Variants in CSMD1 observed in about 807,000 individuals in gnomAD.
CSMD1 encodes CUB and sushi domain-containing protein 1.
CSMD1 carries 213 observed loss-of-function variants against 417.5 expected under a neutral mutation model. That is an observed-to-expected ratio of 0.51 (90% CI 0.46 to 0.57). The LOEUF (loss-of-function observed/expected upper bound fraction) is 0.57. Ranked by LOEUF, CSMD1 falls within the 20% of genes least tolerant of loss-of-function variation. The pLI, the probability that CSMD1 is intolerant of heterozygous loss-of-function variation, is 0.00. For synonymous variants in CSMD1, 2,862 were observed against 1,736.8 expected, an observed-to-expected ratio of 1.65 and a Z score of -16.11; for missense variants, 6,923 against 4,529.7, an observed-to-expected ratio of 1.53 and a Z score of -15.17.
At chr8:4,886,545 A>T (rs1803752247) in intron 1 of CSMD1, among the ~76,000 whole-genome samples, 1 of 151,800 alleles carries the variant, frequency 6.6e-6, no homozygotes, top group Non-Finnish European at 1.5e-5. Flanking sequence ...CTTCTCTTTT[A>T]TTTTTTGAAA....
chr8:4,153,393 T>C (rs1305771465), intron 3 of CSMD1, among the ~76,000 whole-genome samples: 1 of 152,216 alleles, frequency 6.6e-6, no homozygotes, highest in Non-Finnish European at 1.5e-5. Context: ...ACTCTGCAGT[T>C]CTAGGTTCCC....
intron 4 of CSMD1, among the ~76,000 whole-genome samples, chr8:4,029,832 C>T (rs1797250174): frequency 1.3e-5 from 2 of 152,270 alleles, no homozygotes; most frequent in Non-Finnish European, 1.5e-5. Context: ...AAGCTAGTTA[C>T]TTCCTAGACA....
At chr8:3,709,367 G>C (rs1050868827) in intron 6 of CSMD1, among the ~76,000 whole-genome samples, 2 of 152,134 alleles carry the variant, frequency 1.3e-5, no homozygotes, top group Non-Finnish European at 2.9e-5. Flanking sequence ...GTGGCCCCAT[G>C]ACCTAGGTAA....
chr8:4,587,040 A>G (rs954555318), intron 2 of CSMD1, among the ~76,000 whole-genome samples: 2 of 152,326 alleles, frequency 1.3e-5, no homozygotes, highest in East Asian at 3.9e-4. Context: ...TTTTGAATGA[A>G]TGCTTTCATC....
chr8:3,420,478 C>T (rs188821431), intron 12 of CSMD1, among the ~76,000 whole-genome samples: 200 of 148,266 alleles, frequency 1.3e-3, no homozygotes, highest in African/African-American at 4.7e-3. Flanking sequence ...CAGTTAATAA[C>T]GTTTCCATGT....
At chr8:3,151,845 G>C (rs1246114545) in intron 39 of CSMD1, among the ~76,000 whole-genome samples, 3 of 152,190 alleles carry the variant, frequency 2.0e-5, no homozygotes, top group Non-Finnish European at 4.4e-5. Flanking sequence ...GCTACTCATT[G>C]AGAGGTAGTA....
intron 3 of CSMD1, among the ~76,000 whole-genome samples, chr8:4,053,331 T>G (rs1401960139): frequency 6.6e-6 from 1 of 152,180 alleles, no homozygotes; most frequent in Non-Finnish European, 1.5e-5. Flanking sequence ...AAAATCAGAC[T>G]GACCTTTAGT....
intron 2 of CSMD1, among the ~76,000 whole-genome samples, chr8:4,559,600 T>G (rs574273987): frequency 1.6e-4 from 25 of 152,336 alleles, no homozygotes; most frequent in Non-Finnish European, 2.6e-4. Context: ...ACCCCAATGT[T>G]GTATAAAATT....
At chr8:3,420,062 C>G (rs1465151354) in intron 12 of CSMD1, among the ~76,000 whole-genome samples, 1 of 152,130 alleles carries the variant, frequency 6.6e-6, no homozygotes, top group East Asian at 1.9e-4. Flanking sequence ...ATATTAAGTT[C>G]TATCTCTTTG....
intron 1 of CSMD1, among the ~76,000 whole-genome samples, chr8:4,878,741 G>T (rs1487112544): frequency 6.6e-6 from 1 of 151,884 alleles, no homozygotes; most frequent in Non-Finnish European, 1.5e-5. Context: ...CTTTTGTGTA[G>T]AAAACATTCA....
chr8:4,237,776 G>A (rs1251094127), intron 3 of CSMD1, among the ~76,000 whole-genome samples: 1 of 152,184 alleles, frequency 6.6e-6, no homozygotes, highest in South Asian at 2.1e-4. Flanking sequence ...GCACCTCAAA[G>A]TGCTGAGATT....
In CSMD1 at chr8:3,727,614, C is replaced by T. The variant is rs188992066; in HGVS notation, c.932-19123G>A. Among the ~76,000 whole-genome samples the T allele has an allele frequency of 6.2e-4, 94 of 152,250 alleles. 1 individual carries two copies. Among genetic ancestry groups the T allele is most frequent in the East Asian group, 1.9e-4 (1 of 5,180 alleles). Reference sequence around the variant, plus strand: ...ATATGATACTGCAATTCGACTTTTGCGTACACACCTGAAATAATGGAAAGC... The same window carrying T: ...ATATGATACTGCAATTCGACTTTTGTGTACACACCTGAAATAATGGAAAGC... On this transcript the variant is annotated intron_variant, in intron 6 of 69. Transcript: ENST00000635120.
intron 1 of CSMD1, among the ~76,000 whole-genome samples, chr8:4,733,588 T>C (rs541371385): frequency 6.6e-6 from 1 of 152,198 alleles, no homozygotes; most frequent in Non-Finnish European, 1.5e-5. Flanking sequence ...GTTAAATAAC[T>C]TACATGTTTC....
intron 6 of CSMD1, among the ~76,000 whole-genome samples, chr8:3,710,367 G>A (rs770581190): frequency 1.3e-5 from 2 of 152,208 alleles, no homozygotes; most frequent in South Asian, 2.1e-4. Context: ...GAACTCTGAC[G>A]AAATACAATG....
At chr8:3,293,523 T>G (rs774995189) in intron 25 of CSMD1, among the ~76,000 whole-genome samples, 81 of 152,288 alleles carry the variant, frequency 5.3e-4, no homozygotes, top group Non-Finnish European at 9.0e-4. Context: ...CTTTGTTTGT[T>G]TCTTTTTATT....
chr8:4,146,288 C>T (rs958218167), intron 3 of CSMD1, among the ~76,000 whole-genome samples: 4 of 150,954 alleles, frequency 2.6e-5, no homozygotes, highest in Non-Finnish European at 4.4e-5. Flanking sequence ...GTGCAGTCGG[C>T]ACAGTGCCAT....
chr8:4,644,212 C>G (rs1434011801), intron 1 of CSMD1, among the ~76,000 whole-genome samples: 6 of 152,144 alleles, frequency 3.9e-5, no homozygotes, highest in Non-Finnish European at 5.9e-5. Flanking sequence ...TGGTCAGTGT[C>G]ACTTCTTTCC....
At chr8:3,559,297 C>A (rs11136640) in intron 10 of CSMD1, among the ~76,000 whole-genome samples, 88,752 of 151,778 alleles carry the variant, frequency 0.58, 28,915 homozygotes, top group East Asian at 1. Flanking sequence ...ACATGAAGAT[C>A]GCCATGGAAT....
intron 1 of CSMD1, among the ~76,000 whole-genome samples, chr8:4,666,749 G>T (rs1209781489): frequency 6.6e-6 from 1 of 152,182 alleles, no homozygotes; most frequent in African/African-American, 2.4e-5. Context: ...ATACAGTCAA[G>T]TCCTTCATCA....
Sources: allele counts gnomAD v4.1 joint callset (sites outside exome capture counted in the v4.1 genomes callset), GRCh38; gene constraint gnomAD v4.1.1; transcripts MANE v1.5; gene names NCBI Gene and HGNC (gene_info 2026-07-23, HGNC 2026-07-21).